The following DIS3L2 variants were observed in gnomAD, a reference collection of about 807,000 sequenced individuals.
DIS3L2 encodes the protein DIS3 like 3'-5' exoribonuclease 2.
Under a neutral mutation model 97.5 loss-of-function variants are expected in DIS3L2, and 34 were observed. The observed-to-expected ratio is 0.35, with a 90% CI of 0.27 to 0.46. The LOEUF is 0.46. Among genes scored for constraint, DIS3L2 ranks in the 20% least tolerant of loss-of-function variants. The pLI, the probability that DIS3L2 is intolerant of heterozygous loss-of-function variation, is 1.00. For missense variants in DIS3L2, 1,038 were observed against 1,146.0 expected (o/e 0.91, Z 1.36); for synonymous variants, 435 against 445.2 (o/e 0.98, Z 0.29).
intron 13 of DIS3L2, among the ~76,000 whole-genome samples, chr2:232,270,859 C>T (rs920244528): frequency 1.9e-5 from 2 of 105,984 alleles, no homozygotes; most frequent in South Asian, 3.5e-4. Context: ...CTCTTTTTCT[C>T]GTCTCTCTCT....
At chr2:232,148,310 G>A (rs1481394930) in intron 8 of DIS3L2, among the ~76,000 whole-genome samples, 4 of 152,112 alleles carry the variant, frequency 2.6e-5, no homozygotes, top group Non-Finnish European at 5.9e-5. Context: ...GCCTCCCAAA[G>A]TGCTGGGATT....
intron 1 of DIS3L2, among the ~76,000 whole-genome samples, chr2:232,013,484 G>A (rs762677152): frequency 2.0e-5 from 3 of 152,028 alleles, no homozygotes; most frequent in Non-Finnish European, 4.4e-5. Flanking sequence ...TTCTGTTTGC[G>A]CCTCTATTTT....
In DIS3L2 at chr2:232,097,925, G is replaced by A. The variant is rs1422046556; in HGVS notation, c.601+10204G>A. 3.9e-5 allele frequency among the ~76,000 whole-genome samples: 6 copies of A among 152,280 alleles called. No homozygotes were observed. In the East Asian group the frequency reaches 9.7e-4, roughly 25 times the overall value. ...CCATGGCATGCTACTTGAGTATCAC[G>A]GCTGGTTATTCAGGATCGGATGGCT... is the stretch of plus-strand genomic sequence containing the variant. On this transcript the variant is annotated intron_variant, in intron 6 of 20. Transcript: ENST00000325385.
chr2:232,329,785 T>TGCCGGGGGGGGCGC, intron 14 of DIS3L2, 28 bp from the exon 15 acceptor site: 2 of 967,144 alleles, frequency 2.1e-6, no homozygotes, highest in Non-Finnish European at 2.9e-6. Context: ...ACCCCAGCGG[T>TGCCGGGGGGGGCGC]CCCTCCCATC....
chr2:232,167,822 G>A (rs189589620), intron 9 of DIS3L2, among the ~76,000 whole-genome samples: 14 of 152,270 alleles, frequency 9.2e-5, no homozygotes, highest in Middle Eastern at 6.8e-3. Flanking sequence ...GGCCAAGGTG[G>A]ACAGATCACC....
intron 10 of DIS3L2, among the ~76,000 whole-genome samples, chr2:232,228,149 A>T (rs1692696361): frequency 6.6e-6 from 1 of 152,114 alleles, no homozygotes; most frequent in Non-Finnish European, 1.5e-5. Flanking sequence ...TGTTTTTAGT[A>T]GAGATGGGGT....
intron 10 of DIS3L2, among the ~76,000 whole-genome samples, chr2:232,214,344 G>C (rs1205796027): frequency 6.6e-6 from 1 of 152,138 alleles, no homozygotes; most frequent in African/African-American, 2.4e-5. Flanking sequence ...CCTTAAGATT[G>C]CTTGACTATT....
chr2:232,114,059 C>T (rs1299300791), intron 6 of DIS3L2, among the ~76,000 whole-genome samples: 2 of 152,188 alleles, frequency 1.3e-5, no homozygotes, highest in African/African-American at 2.4e-5. Flanking sequence ...GGCAAGAGGA[C>T]AGCTTCATTT....
chr2:232,339,552 C>T (rs769321880), downstream of DIS3L2, among the ~76,000 whole-genome samples: 4 of 152,190 alleles, frequency 2.6e-5, no homozygotes, highest in Non-Finnish European at 4.4e-5. Context: ...GCAAGGAGGC[C>T]CCATGGTGAG....
chr2:232,335,573 C>T, intron 19 of DIS3L2, 200 bp from the exon 20 acceptor site: 3 of 617,046 alleles, frequency 4.9e-6, no homozygotes, highest in South Asian at 2.0e-5. Flanking sequence ...CCAGCCCCCA[C>T]CCCTGGCCCT....
intron 9 of DIS3L2, among the ~76,000 whole-genome samples, chr2:232,166,630 C>T (rs958190479): frequency 2.0e-5 from 3 of 151,788 alleles, no homozygotes; most frequent in South Asian, 4.2e-4. Context: ...GCAGGAGAAT[C>T]GCTTGAACCC....
At chr2:232,176,896 C>T (rs1312621859) in intron 9 of DIS3L2, among the ~76,000 whole-genome samples, 1 of 148,564 alleles carries the variant, frequency 6.7e-6, no homozygotes, top group Non-Finnish European at 1.5e-5. Flanking sequence ...TGCTGGTGCG[C>T]TGCACCCACT....
chr2:232,308,171 A>G (rs6760881), intron 14 of DIS3L2, among the ~76,000 whole-genome samples: 17,360 of 152,232 alleles, frequency 0.11, 2,259 homozygotes, highest in African/African-American at 0.32. Context: ...TGGCTGTGTT[A>G]GTTATAAAGA....
At chr2:232,143,832 A>T (rs1017301774) in intron 8 of DIS3L2, among the ~76,000 whole-genome samples, 6 of 151,980 alleles carry the variant, frequency 3.9e-5, no homozygotes, top group African/African-American at 1.4e-4. Flanking sequence ...CTGTATCCTA[A>T]ACCATAATTT....
rs1384219629 is a variant in DIS3L2 at position 232,334,424 on chromosome 2, C to G, written c.2214C>G (p.His738Gln). The G allele has an allele frequency of 2.5e-6, 4 of 1,613,710 alleles. No homozygotes were observed. In the African/African-American group the frequency reaches 5.3e-5, roughly 22 times the overall value. Reference protein sequence around the residue: ...APDTLQKQADHCNDRRMASKR... With the variant: ...APDTLQKQADQCNDRRMASKR... ...ATACCCTGCAGAAACAGGCGGACCACTGTAACGACCGCCGCATGGCGTCCA... is the reference window on the plus strand; with the variant it reads ...ATACCCTGCAGAAACAGGCGGACCAGTGTAACGACCGCCGCATGGCGTCCA... The change falls in exon 18 of 21, where the codon CAC (histidine) becomes CAG (glutamine). Residue 738 changes from histidine (H) to glutamine (Q), a missense_variant. This residue lies in a region of DIS3L2 where 221 missense variants were observed against 246.9 expected (regional missense o/e 0.90). Coordinates refer to ENST00000325385, the MANE Select transcript of DIS3L2 (RefSeq NM_152383.5).
chr2:232,007,539 G>A (rs906096635), intron 1 of DIS3L2, among the ~76,000 whole-genome samples: 4 of 152,108 alleles, frequency 2.6e-5, no homozygotes, highest in African/African-American at 9.7e-5. Flanking sequence ...GTCTTGCTAT[G>A]TTGCCCAGGC....
chr2:232,113,757 A>C (rs1159548332), intron 6 of DIS3L2, among the ~76,000 whole-genome samples: 1 of 152,222 alleles, frequency 6.6e-6, no homozygotes, highest in Admixed American at 6.5e-5. Context: ...GGAGGAACTT[A>C]GTTTACAGTT....
chr2:232,207,037 C>G (rs564595059), intron 9 of DIS3L2, among the ~76,000 whole-genome samples: 7 of 152,236 alleles, frequency 4.6e-5, no homozygotes, highest in African/African-American at 9.6e-5. Flanking sequence ...TCCAAGTAAC[C>G]TAGTAAACGA....
At chr2:231,974,092 G>A (rs1693003546) in intron 1 of DIS3L2, among the ~76,000 whole-genome samples, 1 of 152,082 alleles carries the variant, frequency 6.6e-6, no homozygotes. Flanking sequence ...ATGCAAAGAT[G>A]TTACTTTTCA....
Sources: gnomAD v4.1 joint callset for allele counts (sites outside exome capture counted in the v4.1 genomes callset) on GRCh38, gnomAD v4.1.1 for gene constraint, gnomAD v4.1.1 regional missense constraint, MANE v1.5 for transcripts, NCBI Gene and HGNC (gene_info 2026-07-23, HGNC 2026-07-21) for gene names.